Variants in LDHAL6A observed in about 807,000 individuals in gnomAD.
LDHAL6A encodes the protein L-lactate dehydrogenase A-like 6A.
A neutral mutation model predicts 28.2 loss-of-function variants in LDHAL6A; 19 were observed. The ratio of observed to expected loss-of-function variants is 0.67; its 90% CI spans 0.47 to 0.99. The LOEUF is 0.99. Among genes scored for constraint, LDHAL6A ranks in the 50% least tolerant of loss-of-function variants. The pLI is 0.00. For missense variants in LDHAL6A, 372 were observed against 398.6 expected (o/e 0.93, Z 0.57); for synonymous variants, 144 against 134.4 (o/e 1.07, Z -0.49).
chr11:18,464,977 G>GTTTTTTTTGTTTTTTTTTTTTT (rs1849016188), intron 2 of LDHAL6A, among the ~76,000 whole-genome samples: 15 of 125,480 alleles, frequency 1.2e-4, no homozygotes, highest in African/African-American at 1.3e-4. Flanking sequence ...TGTTTTTTTT[G>GTTTTTTTTGTTTTTTTTTTTTT]TTTTTTTTTG....
chr11:18,469,088 T>C, intron 3 of LDHAL6A: 1 of 456,812 alleles, frequency 2.2e-6, no homozygotes, highest in Non-Finnish European at 3.9e-6. Context: ...GTAAGTTTTT[T>C]CACATCCTGA....
Position 18,477,752 on chromosome 11 carries a change from T to A in LDHAL6A, c.834+9T>A, listed in dbSNP as rs369570020. On this transcript the variant is annotated intron_variant, in intron 6 of 6. Transcript: ENST00000280706. ...TTTCTACCCTAAGTAAGGTAGGACATTCATGTTCGAAAAATCATTAACTCA... is the reference window on the plus strand; with the variant it reads ...TTTCTACCCTAAGTAAGGTAGGACAATCATGTTCGAAAAATCATTAACTCA... The A allele has an allele frequency of 5.0e-6, 8 of 1,587,010 alleles. No homozygotes were observed.
chr11:18,459,843 T>C (rs886106405), intron 1 of LDHAL6A, among the ~76,000 whole-genome samples: 3 of 152,222 alleles, frequency 2.0e-5, no homozygotes, highest in African/African-American at 4.8e-5. Flanking sequence ...GACTGAGCAT[T>C]CTGAGGAGTA....
intron 3 of LDHAL6A, chr11:18,469,134 G>T: frequency 1.8e-6 from 1 of 559,926 alleles, no homozygotes; most frequent in Non-Finnish European, 3.1e-6. Context: ...GAGAGCTGTG[G>T]AGAGATTCTG....
intron 5 of LDHAL6A, among the ~76,000 whole-genome samples, 181 bp from the exon 6 acceptor site, chr11:18,477,439 A>C (rs1849412913): frequency 6.6e-6 from 1 of 150,768 alleles, no homozygotes; most frequent in Non-Finnish European, 1.5e-5. Flanking sequence ...AGCCTGGGTG[A>C]CAGAGCAAGA....
intron 3 of LDHAL6A, among the ~76,000 whole-genome samples, chr11:18,466,303 G>A (rs575513762): frequency 5.3e-5 from 8 of 151,880 alleles, no homozygotes; most frequent in African/African-American, 1.9e-4. Context: ...TTTTGTTAGT[G>A]TAATATGTAC....
chr11:18,470,577 G>A (rs1313172821), intron 3 of LDHAL6A, among the ~76,000 whole-genome samples: 1 of 152,062 alleles, frequency 6.6e-6, no homozygotes, highest in African/African-American at 2.4e-5. Context: ...TTTTTATTTT[G>A]GCAAATCATG....
intron 3 of LDHAL6A, among the ~76,000 whole-genome samples, chr11:18,467,938 C>CGTATATATAT (rs1849131649): frequency 6.1e-5 from 2 of 33,014 alleles, no homozygotes; most frequent in African/African-American, 2.6e-4. Context: ...TATATATATA[C>CGTATATATAT]ACACACATAT....
chr11:18,464,183 C>A, intron 2 of LDHAL6A, 105 bp downstream of exon 2: 1 of 758,862 alleles, frequency 1.3e-6, no homozygotes, highest in Non-Finnish European at 2.2e-6. Flanking sequence ...ATAGATAAGG[C>A]TGGTTGCTCC....
chr11:18,469,326 T>G (rs1183041515), intron 3 of LDHAL6A: 1 of 439,100 alleles, frequency 2.3e-6, no homozygotes, highest in African/African-American at 2.0e-5. Flanking sequence ...TCATTAAGGT[T>G]ATATGATAAC....
In LDHAL6A at chr11:18,456,832, G is replaced by C. The variant is rs192607672; in HGVS notation, c.126+26G>C. 2.3e-5 allele frequency: 37 copies of C among 1,600,480 alleles called. No individual in the cohort carries two copies. In the African/African-American group the frequency reaches 4.3e-4, roughly 19 times the overall value. On this transcript the variant is annotated intron_variant, in intron 1 of 6. Coordinates refer to ENST00000280706, the MANE Select transcript of LDHAL6A (RefSeq NM_144972.5). The stretch of plus-strand genomic sequence containing the variant: ...GTAAGTTGTGTGCTCTGCACCACAG[G>C]GTTCACCTCAGTTGGAGGCGAGGCC...
At chr11:18,475,432 AG>A in intron 3 of LDHAL6A, 33 bp from the exon 4 acceptor site, 1 of 1,510,752 alleles carries the variant, frequency 6.6e-7, no homozygotes, top group Non-Finnish European at 9.1e-7. Context: ...CTTGTAGATG[AG>A]GACATTTCTT....
At chr11:18,459,655 A>G (rs1848847785) in intron 1 of LDHAL6A, among the ~76,000 whole-genome samples, 1 of 152,186 alleles carries the variant, frequency 6.6e-6, no homozygotes, top group Admixed American at 6.5e-5. Context: ...GAAAGAATGG[A>G]TATTGACATA....
At chr11:18,475,881 A>G (rs1480379533) in intron 4 of LDHAL6A, among the ~76,000 whole-genome samples, 1 of 152,174 alleles carries the variant, frequency 6.6e-6, no homozygotes, top group Non-Finnish European at 1.5e-5. Flanking sequence ...CGCTTTTCTT[A>G]AATAGAGAAC....
At chr11:18,471,584 A>C (rs1170548454) in intron 3 of LDHAL6A, among the ~76,000 whole-genome samples, 1 of 152,032 alleles carries the variant, frequency 6.6e-6, no homozygotes, top group African/African-American at 2.4e-5. Flanking sequence ...TTACTGTGGA[A>C]ATGTGGAGCA....
chr11:18,467,733 C>CTT (rs1047738194), intron 3 of LDHAL6A, among the ~76,000 whole-genome samples: 2 of 150,366 alleles, frequency 1.3e-5, no homozygotes, highest in African/African-American at 4.9e-5. Flanking sequence ...TGGTGCACAC[C>CTT]TGTAATCCTA....
At chr11:18,475,353 T>A (rs879295292) in intron 3 of LDHAL6A, 113 bp from the exon 4 acceptor site, 8 of 805,688 alleles carry the variant, frequency 9.9e-6, no homozygotes, top group Admixed American at 2.4e-5. Context: ...TAGAGAACCA[T>A]GTTTCTTGCC....
chr11:18,466,934 G>A (rs529513806), intron 3 of LDHAL6A, among the ~76,000 whole-genome samples: 8 of 152,170 alleles, frequency 5.3e-5, no homozygotes, highest in South Asian at 4.1e-4. Context: ...AAATAACTTC[G>A]AGAGTTTTTC....
At position 18,477,677 on chromosome 11, in the gene LDHAL6A, A is replaced by G. The variant is rs759033898; in HGVS notation, c.768A>G (p.Val256=). 6.2e-7 allele frequency: 1 copy of G among 1,613,192 alleles called. No individual in the cohort carries two copies. Among genetic ancestry groups the G allele is most frequent in the Non-Finnish European group, 8.5e-7 (1 of 1,179,448 alleles). Residue 256 remains valine (V), a synonymous_variant, in exon 6 of 7, where the codon GTA becomes GTG. Coordinates refer to ENST00000280706, the MANE Select transcript of LDHAL6A (RefSeq NM_144972.5). ...GYTSWGISLS[V]ADLTESILKN... ...CTTCTTGGGGCATTAGCCTATCTGT[A>G]GCTGATTTAACAGAAAGTATTTTGA...
Sources: allele counts gnomAD v4.1 joint callset (sites outside exome capture counted in the v4.1 genomes callset), GRCh38; gene constraint gnomAD v4.1.1; transcripts MANE v1.5; gene names NCBI Gene and HGNC (gene_info 2026-07-23, HGNC 2026-07-21).